BEND3: variants seen among roughly 807,000 people sequenced by gnomAD.
The protein encoded by BEND3 is BEN domain containing 3, also known as BEN domain-containing protein 3.
A neutral mutation model predicts 60.1 loss-of-function variants in BEND3; 13 were observed. The observed-to-expected ratio is 0.22, with a 90% CI of 0.14 to 0.34. The LOEUF (loss-of-function observed/expected upper bound fraction) is 0.34, where lower values mean the gene tolerates loss of function less well. BEND3 is among the 10% of genes least tolerant of loss of function. BEND3 has a pLI of 1.00. For synonymous variants in BEND3, 497 were observed against 491.5 expected (o/e 1.01, Z -0.15); for missense variants, 896 against 1,138.1 (o/e 0.79, Z 3.06).
At position 107,069,083 on chromosome 6, in the gene BEND3, A is replaced by G. The variant is rs781926752; in HGVS notation, c.2108T>C (p.Leu703Ser). ...AGGCGAGGGGACCACCAGCTCGTCC[A>G]AGGGGATCTTGCAAAAGTCCTTGCT... ...RSSKDFCKIP[L>S]DELVVPSPDF... is the part of the protein sequence containing the mutation. The change falls in exon 4 of 4, where the codon TTG (leucine) becomes TCG (serine). Residue 703 changes from leucine (L) to serine (S), a missense_variant. Transcript: ENST00000369042. 3.1e-6 allele frequency: 5 copies of G among 1,612,936 alleles called. No homozygotes were observed.
At chr6:107,114,612 C>A (rs1770218980) in intron 1 of BEND3, among the ~76,000 whole-genome samples, 2 of 145,658 alleles carry the variant, frequency 1.4e-5, no homozygotes, top group Admixed American at 6.8e-5. Context: ...AGCAGTGCCC[C>A]GCCAAAGCCC....
Position 107,068,787 on chromosome 6 carries a change from T to C in BEND3, c.2404A>G (p.Ile802Val). The C allele has an allele frequency of 6.2e-7, 1 of 1,614,148 alleles. No homozygotes were observed. Among genetic ancestry groups the C allele is most frequent in the African/African-American group, 1.3e-5 (1 of 75,072 alleles). ...CGGCACCTCTCATCGATGCTGGGGA[T>C]ACATTCGTAGTGCCACACCTCCTCC... ...KMEEVWHYEC[I>V]PSIDERCRRP... Residue 802 changes from isoleucine to valine, a missense_variant, in exon 4 of 4, where the codon ATC becomes GTC. Physicochemically the swap from Ile to Val is conservative, Grantham distance 29 (BLOSUM62 3). Transcript: ENST00000369042. The surrounding 1 kb of genome is among the most constrained non-coding windows in gnomAD (Gnocchi z 5.8).
Position 107,098,725 on chromosome 6 carries a change from C to A in BEND3, c.66G>T (p.Glu22Asp). 6.2e-7 allele frequency: 1 copy of A among 1,614,058 alleles called. No homozygotes were observed. The highest frequency in any genetic ancestry group is 8.5e-7 in the Non-Finnish European group (1 of 1,180,006). ...EVLKSITVKV[E>D]TEAEDAALDC... Reference sequence around the variant, plus strand: ...CCAGAGCAGCATCTTCAGCCTCTGTCTCCACTTTCACAGTGATACTTTTTA... The same window carrying A: ...CCAGAGCAGCATCTTCAGCCTCTGTATCCACTTTCACAGTGATACTTTTTA... Residue 22 changes from glutamate (E) to aspartate (D), a missense_variant, in exon 3 of 4, where the codon GAG becomes GAT. Coordinates refer to ENST00000369042, the MANE Select transcript of BEND3 (RefSeq NM_001367314.1).
At position 107,069,309 on chromosome 6, in the gene BEND3, C is replaced by T. The variant is rs782744574; in HGVS notation, c.1882G>A (p.Asp628Asn). 17 of 1,613,206 alleles carry T rather than the reference C, an allele frequency of 1.1e-5. No homozygotes were observed. Among genetic ancestry groups the T allele is most frequent in the Admixed American group, 3.3e-5 (2 of 59,954 alleles). ...VQLLYPRAKN[D>N]RVWTLEFVGK... Reference sequence around the variant, plus strand: ...ACGAACTCCAGGGTCCAGACGCGGTCGTTTTTGGCGCGTGGGTAGAGCAGC... The same window carrying T: ...ACGAACTCCAGGGTCCAGACGCGGTTGTTTTTGGCGCGTGGGTAGAGCAGC... Residue 628 changes from aspartate to asparagine, a missense_variant, in exon 4 of 4, where the codon GAC becomes AAC. Asp to Asn is a conservative substitution (Grantham distance 23). This residue lies in a region of BEND3 where 846 missense variants were observed against 1,036.7 expected (regional missense o/e 0.82). Transcript: ENST00000369042.
chr6:107,113,460 A>G (rs1035624134), intron 1 of BEND3, among the ~76,000 whole-genome samples: 1 of 150,846 alleles, frequency 6.6e-6, no homozygotes, highest in Non-Finnish European at 1.5e-5. Flanking sequence ...AAAACAAAAA[A>G]AAAACTCATG....
chr6:107,072,804 G>A (rs538896709), intron 3 of BEND3, among the ~76,000 whole-genome samples: 1 of 152,178 alleles, frequency 6.6e-6, no homozygotes, highest in East Asian at 1.9e-4. Flanking sequence ...GGAACATGGC[G>A]AAACACTGTC....
intron 3 of BEND3, among the ~76,000 whole-genome samples, chr6:107,079,657 G>A (rs576707080): frequency 2.0e-4 from 31 of 152,218 alleles, no homozygotes; most frequent in African/African-American, 6.0e-4. Context: ...AACTTTTCCC[G>A]TTTCAGTAGG....
At chr6:107,114,106 A>C (rs1426659868) in intron 1 of BEND3, 3 of 152,294 alleles carry the variant, frequency 2.0e-5, no homozygotes, top group Admixed American at 2.0e-4. Context: ...TATCTCTGTA[A>C]AAACACCTTG....
At position 107,068,848 on chromosome 6, in the gene BEND3, G is replaced by A. The variant is rs1452615315; in HGVS notation, c.2343C>T (p.Arg781=). The change falls in exon 4 of 4, where the codon CGC becomes CGT. Residue 781 remains arginine (R), a synonymous_variant. Coordinates refer to ENST00000369042, the MANE Select transcript of BEND3 (RefSeq NM_001367314.1). This position sits in a 1 kb window ranked among gnomAD's most constrained non-coding sequence, Gnocchi z 5.8. ...QLDPTRLRLI[R]HYVEAVYPVE... is the part of the protein sequence containing the mutation. ...CCGGGTAGACGGCTTCCACGTAGTG[G>A]CGGATGAGCCGCAGCCGCGTGGGGT... 5 of 1,613,932 alleles carry A rather than the reference G, an allele frequency of 3.1e-6. No homozygotes were observed. The highest frequency in any genetic ancestry group is 4.2e-6 in the Non-Finnish European group (5 of 1,180,054).
At chr6:107,072,417 T>A (rs1289074808) in intron 3 of BEND3, among the ~76,000 whole-genome samples, 1 of 152,192 alleles carries the variant, frequency 6.6e-6, no homozygotes, top group Admixed American at 6.5e-5. Context: ...GGCTTGGCAG[T>A]CAGTGTTTGC....
rs1774875116 is a variant in BEND3 at position 107,068,375 on chromosome 6, T to C, written c.*329A>G. The C allele has an allele frequency of 1.3e-5, 3 of 235,936 alleles. No homozygotes were observed. The South Asian group carries it at 4.3e-4, about 34-fold the overall frequency. 14.6% of individuals were successfully genotyped at this position (235,936 alleles called of 1,614,324 possible). On this transcript the variant is annotated 3_prime_UTR_variant, in exon 4 of 4. Transcript: ENST00000369042. This position sits in a 1 kb window ranked among gnomAD's most constrained non-coding sequence, Gnocchi z 5.8. ...GGGCAAGAGAGTTGCTGGGTTTGCA[T>C]TATAAGCTGTGAGGGGCTGGGGAGG...
chr6:107,108,619 C>G (rs1375399942), intron 1 of BEND3, among the ~76,000 whole-genome samples: 3 of 152,118 alleles, frequency 2.0e-5, no homozygotes, highest in Non-Finnish European at 4.4e-5. Flanking sequence ...AGCCTCAGTC[C>G]TTCGCTCTGC....
chr6:107,114,152 A>G (rs1487023870), intron 1 of BEND3: 1 of 152,280 alleles, frequency 6.6e-6, no homozygotes, highest in African/African-American at 2.4e-5. Flanking sequence ...TAGGTAAACA[A>G]GCACACAAGG....
chr6:107,080,354 C>CAAAAAAAAAAAAA (rs11402351), intron 3 of BEND3, among the ~76,000 whole-genome samples: 3 of 83,258 alleles, frequency 3.6e-5, no homozygotes, highest in Non-Finnish European at 4.8e-5. Flanking sequence ...GATCCCATCT[C>CAAAAAAAAAAAAA]AAAAAAAAAA....
chr6:107,105,069 T>C (rs1775783835), intron 1 of BEND3, among the ~76,000 whole-genome samples: 1 of 151,816 alleles, frequency 6.6e-6, no homozygotes, highest in African/African-American at 2.4e-5. Flanking sequence ...TGAAAGGATA[T>C]TTGGTTAAAA....
Position 107,068,850 on chromosome 6 carries a change from G to A in BEND3, c.2341C>T (p.Arg781Cys). Residue 781 changes from arginine (R) to cysteine (C), a missense_variant, in exon 4 of 4, where the codon CGC (arginine) becomes TGC (cysteine). Arg to Cys is a radical substitution (Grantham distance 180). This residue lies in a region of BEND3 where 29 missense variants were observed against 51.9 expected (regional missense o/e 0.56). Transcript: ENST00000369042. The surrounding 1 kb of genome is among the most constrained non-coding windows in gnomAD (Gnocchi z 5.8). ...GGGTAGACGGCTTCCACGTAGTGGC[G>A]GATGAGCCGCAGCCGCGTGGGGTCC... ...QLDPTRLRLI[R>C]HYVEAVYPVE... The A allele has an allele frequency of 6.2e-7, 1 of 1,614,046 alleles. No individual in the cohort carries two copies.
At chr6:107,073,528 G>A (rs1204501610) in intron 3 of BEND3, among the ~76,000 whole-genome samples, 4 of 152,044 alleles carry the variant, frequency 2.6e-5, no homozygotes, top group African/African-American at 9.7e-5. Flanking sequence ...CCAGGGTACA[G>A]AAGAGGTCAA....
At chr6:107,113,893 A>G (rs1218634819) in intron 1 of BEND3, 3 of 152,268 alleles carry the variant, frequency 2.0e-5, no homozygotes, top group Non-Finnish European at 4.4e-5. Context: ...AGTTTCCTGC[A>G]ACCGTAGCTT....
chr6:107,069,957 C>T lies in BEND3; in HGVS notation c.1234G>A (p.Val412Ile), dbSNP rs782399531. 15 of 1,612,908 alleles carry T rather than the reference C, an allele frequency of 9.3e-6. No individual in the cohort carries two copies. Among genetic ancestry groups the T allele is most frequent in the South Asian group, 3.3e-5 (3 of 91,052 alleles). Residue 412 changes from valine (V) to isoleucine (I), a missense_variant, in exon 4 of 4, where the codon GTC becomes ATC. By Grantham distance (29) the Val-to-Ile change is conservative. Coordinates refer to ENST00000369042, the MANE Select transcript of BEND3 (RefSeq NM_001367314.1). Reference protein sequence around the residue: ...DEASSPGEFAVFLLHRLFPEL... With the variant: ...DEASSPGEFAIFLLHRLFPEL... ...GGGAAGAGCCGGTGGAGGAGGAAGACGGCAAACTCGCCTGGTGAGGAGGCT... is the reference window on the plus strand; with the variant it reads ...GGGAAGAGCCGGTGGAGGAGGAAGATGGCAAACTCGCCTGGTGAGGAGGCT...
Sources: gnomAD v4.1 joint callset for allele counts (sites outside exome capture counted in the v4.1 genomes callset) on GRCh38, gnomAD v4.1.1 for gene constraint, gnomAD v4.1.1 regional missense constraint, Gnocchi (gnomAD v3.1) non-coding constraint, MANE v1.5 for transcripts, NCBI Gene and HGNC (gene_info 2026-07-23, HGNC 2026-07-21) for gene names.